The following P4HA1 variants were observed in gnomAD, a reference collection of about 807,000 sequenced individuals.
The protein encoded by P4HA1 is prolyl 4-hydroxylase subunit alpha 1, also known as prolyl 4-hydroxylase subunit alpha-1.
P4HA1 carries 24 observed loss-of-function variants against 72.8 expected under a neutral mutation model. The ratio of observed to expected loss-of-function variants is 0.33; its 90% CI spans 0.24 to 0.46. P4HA1 has a LOEUF of 0.46. Among genes scored for constraint, P4HA1 ranks in the 20% least tolerant of loss-of-function variants. P4HA1 has a pLI of 1.00. For synonymous variants in P4HA1, 201 were observed against 218.8 expected, an observed-to-expected ratio of 0.92 and a Z score of 0.72; for missense variants, 446 against 640.6, an observed-to-expected ratio of 0.70 and a Z score of 3.28.
chr10:73,067,506 C>T (rs1841453989), intron 5 of P4HA1, among the ~76,000 whole-genome samples: 1 of 152,190 alleles, frequency 6.6e-6, no homozygotes, highest in Admixed American at 6.5e-5. Context: ...CTAGTCTCAG[C>T]TCTCACTACT....
chr10:73,070,704 T>A (rs569946940), intron 4 of P4HA1, among the ~76,000 whole-genome samples: 1 of 152,272 alleles, frequency 6.6e-6, no homozygotes, highest in South Asian at 2.1e-4. Flanking sequence ...GTTTTATAAG[T>A]TTTATAGAAG....
intron 5 of P4HA1, among the ~76,000 whole-genome samples, chr10:73,055,606 A>G (rs1377182092): frequency 6.6e-6 from 1 of 152,166 alleles, no homozygotes; most frequent in Non-Finnish European, 1.5e-5. Context: ...CAACTTATTA[A>G]TCTTTCAGCA....
chr10:73,086,916 A>C (rs918456209), intron 1 of P4HA1, among the ~76,000 whole-genome samples: 15 of 141,300 alleles, frequency 1.1e-4, no homozygotes, highest in Admixed American at 4.3e-4. Flanking sequence ...CCTGGGTAAA[A>C]GAGTGAGAGT....
intron 5 of P4HA1, 81 bp from the exon 6 acceptor site, chr10:73,053,671 C>T (rs1241758837): frequency 3.3e-6 from 4 of 1,227,784 alleles, no homozygotes; most frequent in Non-Finnish European, 4.6e-6. Flanking sequence ...TTTCAAAATG[C>T]TGTCTCACTT....
At chr10:73,024,564 C>A (rs1321334682) in intron 10 of P4HA1, among the ~76,000 whole-genome samples, 1 of 152,148 alleles carries the variant, frequency 6.6e-6, no homozygotes, top group Non-Finnish European at 1.5e-5. Context: ...GACACCCTAA[C>A]ATCACAATTA....
At chr10:73,010,021 T>C (rs909671691) in intron 13 of P4HA1, 118 bp from the exon 14 acceptor site, 3 of 595,096 alleles carry the variant, frequency 5.0e-6, no homozygotes, top group African/African-American at 3.8e-5. Flanking sequence ...CAGGCTGGAG[T>C]GCAATGGCAC....
chr10:73,057,529 CA>C (rs1046868678), intron 5 of P4HA1, among the ~76,000 whole-genome samples: 2 of 151,498 alleles, frequency 1.3e-5, no homozygotes, highest in Non-Finnish European at 2.9e-5. Flanking sequence ...CACACAAAGA[CA>C]AAAAAACTAA....
rs1045128621 is a variant in P4HA1 at position 73,053,565 on chromosome 10, C to T, written c.489G>A (p.Thr163=). The part of the protein sequence containing the change: ...LPGVKHKSFL[T]AEDCFELGKV... ...TGCCCAACTCAAAGCAGTCCTCAGC[C>T]GTTAGAAAAGATTTGTGTTTCACTC... The change falls in exon 6 of 15, where the codon ACG becomes ACA. Residue 163 remains threonine, a synonymous_variant. Transcript: ENST00000394890. The T allele has an allele frequency of 6.2e-6, 10 of 1,613,688 alleles. No individual in the cohort carries two copies. Among genetic ancestry groups the T allele is most frequent in the East Asian group, 4.5e-5 (2 of 44,884 alleles).
intron 1 of P4HA1, among the ~76,000 whole-genome samples, chr10:73,093,873 AATATATATATATATATATAT>A (rs1167437294): frequency 1.3e-3 from 38 of 29,322 alleles, no homozygotes; most frequent in Admixed American, 3.8e-3. Context: ...AAAAAAAAAA[AATATATATATATATATATAT>A]ATATATATAT....
intron 5 of P4HA1, among the ~76,000 whole-genome samples, chr10:73,057,640 C>T (rs555510057): frequency 6.6e-5 from 10 of 152,160 alleles, no homozygotes; most frequent in Middle Eastern, 3.4e-3. Flanking sequence ...AATTAAAATG[C>T]ATGGAAGTTC....
intron 1 of P4HA1, among the ~76,000 whole-genome samples, chr10:73,083,125 A>C (rs576118212): frequency 6.6e-6 from 1 of 152,324 alleles, no homozygotes; most frequent in East Asian, 1.9e-4. Context: ...GTATCTTCCA[A>C]GACAAGTAAG....
At position 73,079,132 on chromosome 10, in the gene P4HA1, C is replaced by T. The variant is rs538367841; in HGVS notation, c.-32-4217G>A. On this transcript the variant is annotated intron_variant, in intron 1 of 14. Coordinates refer to ENST00000394890, the MANE Select transcript of P4HA1 (RefSeq NM_001017962.3). The stretch of plus-strand genomic sequence containing the variant: ...TGTTCCATCTTGTAGTTCTATAAGC[C>T]TCTACATTTCACTTTCTCTTTTTCA... 2.0e-5 allele frequency among the ~76,000 whole-genome samples: 3 copies of T among 152,116 alleles called. No homozygotes were observed. The South Asian group carries it at 6.2e-4, about 32-fold the overall frequency.
intron 1 of P4HA1, among the ~76,000 whole-genome samples, chr10:73,077,080 T>C (rs1841714057): frequency 2.0e-5 from 3 of 152,204 alleles, no homozygotes; most frequent in Admixed American, 2.0e-4. Context: ...TTACAGTGAT[T>C]TGGGGAAGGC....
chr10:73,022,014 C>T (rs1375433739), intron 10 of P4HA1, among the ~76,000 whole-genome samples: 2 of 152,222 alleles, frequency 1.3e-5, no homozygotes. Context: ...GAGCCCACCA[C>T]AGCTCAGCAA....
intron 1 of P4HA1, among the ~76,000 whole-genome samples, chr10:73,092,427 G>A (rs1453689390): frequency 7.2e-6 from 1 of 138,394 alleles, no homozygotes; most frequent in African/African-American, 2.7e-5. Flanking sequence ...ATAGCTCACT[G>A]CAGCTTCCAA....
intron 1 of P4HA1, among the ~76,000 whole-genome samples, chr10:73,093,030 G>C (rs1358055043): frequency 4.0e-5 from 6 of 151,618 alleles, no homozygotes; most frequent in African/African-American, 1.5e-4. Context: ...TGAGGCAGAA[G>C]GATTGCTTGA....
chr10:73,068,821 T>A, intron 5 of P4HA1, 25 bp downstream of exon 5: 1 of 1,593,972 alleles, frequency 6.3e-7, no homozygotes, highest in Non-Finnish European at 8.6e-7. Flanking sequence ...GATAGGTATT[T>A]TATAGAATGG....
chr10:73,092,399 G>C lies in P4HA1; in HGVS notation c.-33+4367C>G, dbSNP rs61865788. ...GGGTCTTGCACTCTCACCCAGGCTA[G>C]AGTGCAATGGTGCTATCATAGCTCA... On this transcript the variant is annotated intron_variant, in intron 1 of 14. Coordinates refer to ENST00000394890, the MANE Select transcript of P4HA1 (RefSeq NM_001017962.3). 3.7e-5 allele frequency among the ~76,000 whole-genome samples: 5 copies of C among 135,766 alleles called. No homozygotes were observed. The East Asian group carries it at 1.1e-3, about 29-fold the overall frequency. 89.1% of individuals were successfully genotyped at this position (135,766 alleles called of 152,430 possible).
Position 73,007,758 on chromosome 10 carries a change from T to C in P4HA1, c.*464A>G, listed in dbSNP as rs200001886. ...GGGCAATCACATGGAACCCAGTTAG[T>C]GTCCTAGTTTATTACTAGTCTTCAG... On this transcript the variant is annotated 3_prime_UTR_variant, in exon 15 of 15. Coordinates refer to ENST00000394890, the MANE Select transcript of P4HA1 (RefSeq NM_001017962.3). 7.0e-6 allele frequency: 1 copy of C among 142,910 alleles called. No individual in the cohort carries two copies. The highest frequency in any genetic ancestry group is 2.0e-4 in the East Asian group (1 of 4,954). 8.9% of individuals were successfully genotyped at this position (142,910 alleles called of 1,614,324 possible). A position where few individuals can be genotyped will look rare whatever the true frequency, so the allele number is the denominator to read the frequency against.
Sources: allele counts gnomAD v4.1 joint callset (sites outside exome capture counted in the v4.1 genomes callset), GRCh38; gene constraint gnomAD v4.1.1; transcripts MANE v1.5; gene names NCBI Gene and HGNC (gene_info 2026-07-23, HGNC 2026-07-21).